Variants in ESRRG observed in about 807,000 individuals in gnomAD.
ESRRG encodes the protein estrogen-related receptor gamma.
Under a neutral mutation model 44.0 loss-of-function variants are expected in ESRRG, and 13 were observed. The observed-to-expected ratio is 0.30, with a 90% confidence interval of 0.19 to 0.47. The LOEUF is 0.47. Ranked by LOEUF, ESRRG falls within the 20% of genes least tolerant of loss-of-function variation. The pLI is 1.00. For missense variants in ESRRG, 395 were observed against 580.6 expected (o/e 0.68, Z 3.29); for synonymous variants, 215 against 214.6 (o/e 1.00, Z -0.02).
intron 2 of ESRRG, among the ~76,000 whole-genome samples, chr1:216,787,478 C>G (rs2094166909): frequency 6.6e-6 from 1 of 151,682 alleles, no homozygotes; most frequent in Admixed American, 6.6e-5. Context: ...TGGCACACAC[C>G]TGTAGTCCCA....
chr1:216,707,442 T>TTA (rs1309641624), intron 1 of ESRRG: 1 of 1,535,664 alleles, frequency 6.5e-7, no homozygotes, highest in Non-Finnish European at 8.7e-7. Context: ...AGGATCTAAA[T>TTA]GCACAATTCC....
chr1:216,724,362 A>AT (rs35611593), upstream of ESRRG, among the ~76,000 whole-genome samples: 44,876 of 142,966 alleles, frequency 0.31, 7,052 homozygotes, highest in East Asian at 0.44. Context: ...TAAAGACAGC[A>AT]TTTTTTTTTT....
At chr1:217,035,416 A>T (rs903540630) in intron 1 of ESRRG, among the ~76,000 whole-genome samples, 2 of 151,730 alleles carry the variant, frequency 1.3e-5, no homozygotes, top group African/African-American at 2.4e-5. Flanking sequence ...TAGTGGGTAC[A>T]TAAGATCTCA....
chr1:217,037,284 A>G (rs1275024898), intron 1 of ESRRG, among the ~76,000 whole-genome samples: 20 of 152,206 alleles, frequency 1.3e-4, no homozygotes, highest in Admixed American at 1.3e-3. Context: ...GATGAAAGAC[A>G]TACTGGAAAC....
chr1:217,033,777 C>G (rs1352501694), intron 1 of ESRRG, among the ~76,000 whole-genome samples: 2 of 152,162 alleles, frequency 1.3e-5, no homozygotes, highest in African/African-American at 2.4e-5. Flanking sequence ...AGCTAAGTAG[C>G]TTGAGTGGGT....
chr1:216,860,210 G>A (rs2096025481), intron 2 of ESRRG, among the ~76,000 whole-genome samples: 1 of 152,164 alleles, frequency 6.6e-6, no homozygotes, highest in African/African-American at 2.4e-5. Flanking sequence ...GTTGCAGTGA[G>A]GCAAGATCGT....
chr1:216,567,904 G>C, intron 4 of ESRRG, 84 bp downstream of exon 4: 1 of 834,306 alleles, frequency 1.2e-6, no homozygotes, highest in Non-Finnish European at 2.1e-6. Flanking sequence ...AGTCAGTAGG[G>C]ATGGGCATGC....
intron 1 of ESRRG, among the ~76,000 whole-genome samples, chr1:216,984,271 T>A (rs2074501266): frequency 6.6e-6 from 1 of 152,178 alleles, no homozygotes; most frequent in African/African-American, 2.4e-5. Context: ...CTCGTGATCA[T>A]TTTAAGATCT....
At chr1:216,682,051 G>A (rs1455359378) in intron 1 of ESRRG, 2 of 152,174 alleles carry the variant, frequency 1.3e-5, no homozygotes, top group African/African-American at 4.8e-5. Flanking sequence ...ATGTTCCATA[G>A]GGTTATACAT....
At chr1:216,622,002 C>A (rs1175173352) in intron 3 of ESRRG, among the ~76,000 whole-genome samples, 10 of 152,212 alleles carry the variant, frequency 6.6e-5, no homozygotes, top group Non-Finnish European at 1.5e-4. Flanking sequence ...CTTCCCTGCA[C>A]AAAGGCCTGA....
intron 1 of ESRRG, among the ~76,000 whole-genome samples, chr1:217,060,220 C>T (rs1013709710): frequency 1.6e-4 from 24 of 152,012 alleles, no homozygotes; most frequent in African/African-American, 5.8e-4. Flanking sequence ...GTTTTAATTA[C>T]AAAAATATAT....
At chr1:216,749,577 A>G (rs1346234138) in intron 2 of ESRRG, among the ~76,000 whole-genome samples, 1 of 152,186 alleles carries the variant, frequency 6.6e-6, no homozygotes, top group Non-Finnish European at 1.5e-5. Flanking sequence ...CAGCTGTTTA[A>G]TGTAATTCCA....
At chr1:216,807,691 AGCAGAT>A (rs1040490147) in intron 2 of ESRRG, among the ~76,000 whole-genome samples, 1 of 150,156 alleles carries the variant, frequency 6.7e-6, no homozygotes, top group Non-Finnish European at 1.5e-5. Flanking sequence ...ATCTCTTTGC[AGCAGAT>A]TCTCTACCCT....
At chr1:216,689,243 A>G (rs1251877823) in intron 1 of ESRRG, among the ~76,000 whole-genome samples, 1 of 152,170 alleles carries the variant, frequency 6.6e-6, no homozygotes, top group Non-Finnish European at 1.5e-5. Context: ...ACAGGCATCC[A>G]TTACAAAATG....
chr1:216,618,841 T>C (rs1419749393), intron 3 of ESRRG, among the ~76,000 whole-genome samples: 1 of 152,204 alleles, frequency 6.6e-6, no homozygotes, highest in Non-Finnish European at 1.5e-5. Flanking sequence ...GAGAGATATA[T>C]GTAGGCACTC....
chr1:216,564,227 T>C lies in ESRRG; in HGVS notation c.854A>G (p.His285Arg). Residue 285 changes from histidine (H) to arginine (R), a missense_variant, in exon 5 of 7, where the codon CAT becomes CGT. His to Arg is a conservative substitution (Grantham distance 29). This residue lies in a region of ESRRG where 167 missense variants were observed against 251.8 expected (regional missense o/e 0.66). Transcript: ENST00000408911. ...CTTTTCAGAAAATGTACCTGGAATA[T>C]GCTTCGCCCATCCAATGATAACCAC... Reference protein sequence around the residue: ...ELVVIIGWAKHIPGFSTLSLA... With the variant: ...ELVVIIGWAKRIPGFSTLSLA... 6.6e-7 allele frequency: 1 copy of C among 1,524,430 alleles called. No homozygotes were observed. Among genetic ancestry groups the C allele is most frequent in the Non-Finnish European group, 8.8e-7 (1 of 1,135,736 alleles). 94.4% of individuals were successfully genotyped at this position (1,524,430 alleles called of 1,614,324 possible).
chr1:216,650,187 C>G (rs554075562), intron 3 of ESRRG, among the ~76,000 whole-genome samples: 1 of 152,250 alleles, frequency 6.6e-6, no homozygotes, highest in South Asian at 2.1e-4. Flanking sequence ...GTAAAATTCA[C>G]ATTTACAAAC....
chr1:217,061,730 C>G (rs2088548416), intron 1 of ESRRG, among the ~76,000 whole-genome samples: 1 of 152,092 alleles, frequency 6.6e-6, no homozygotes, highest in Non-Finnish European at 1.5e-5. Context: ...CTAAGCACTG[C>G]CACAATCTAA....
intron 1 of ESRRG, among the ~76,000 whole-genome samples, chr1:217,088,544 C>T (rs984414791): frequency 2.0e-5 from 3 of 151,432 alleles, no homozygotes; most frequent in Non-Finnish European, 2.9e-5. Context: ...GGTACTACAA[C>T]ACAAACATAG....
Sources: allele counts gnomAD v4.1 joint callset (sites outside exome capture counted in the v4.1 genomes callset), GRCh38; gene constraint gnomAD v4.1.1; regional missense constraint gnomAD v4.1.1; transcripts MANE v1.5; gene names NCBI Gene and HGNC (gene_info 2026-07-23, HGNC 2026-07-21).